GALNT18: variants seen among roughly 807,000 people sequenced by gnomAD.
GALNT18 encodes the protein polypeptide N-acetylgalactosaminyltransferase 18, also known as GalNAc-transferase 18.
Under a neutral mutation model 69.5 loss-of-function variants are expected in GALNT18, and 44 were observed. That is an observed-to-expected ratio of 0.63 (90% CI 0.50 to 0.81). The LOEUF is 0.81. GALNT18 is among the 40% of genes least tolerant of loss of function. The pLI is 0.00. For synonymous variants in GALNT18, 364 were observed against 318.2 expected, an observed-to-expected ratio of 1.14 and a Z score of -1.53; for missense variants, 715 against 810.0, an observed-to-expected ratio of 0.88 and a Z score of 1.42.
rs896200711 is a variant in GALNT18 at position 11,382,531 on chromosome 11, G to T, written c.596-3267C>A. Among the ~76,000 whole-genome samples, 3 of 152,148 alleles carry T rather than the reference G, an allele frequency of 2.0e-5. No individual in the cohort carries two copies. Among genetic ancestry groups the T allele is most frequent in the Non-Finnish European group, 4.4e-5 (3 of 68,030 alleles). On this transcript the variant is annotated intron_variant, in intron 3 of 10. Transcript: ENST00000227756. The surrounding 1 kb of genome is among the most constrained non-coding windows in gnomAD (Gnocchi z 4.3). The stretch of plus-strand genomic sequence containing the variant: ...AGAACTTCTTAGCTCCAAAGATTGT[G>T]TTTTTGGAGTTGAACTTGTGTTTTT...
chr11:11,498,950 T>C (rs1434463789), intron 1 of GALNT18, among the ~76,000 whole-genome samples: 4 of 152,270 alleles, frequency 2.6e-5, no homozygotes, highest in African/African-American at 9.6e-5. Flanking sequence ...CTTTCCTATG[T>C]CTTTCAAATT....
chr11:11,396,045 C>G lies in GALNT18; in HGVS notation c.596-16781G>C, dbSNP rs1166169630. On this transcript the variant is annotated intron_variant, in intron 3 of 10. Coordinates refer to ENST00000227756, the MANE Select transcript of GALNT18 (RefSeq NM_198516.3). This position sits in a 1 kb window ranked among gnomAD's most constrained non-coding sequence, Gnocchi z 5.2. ...GAGGTGCCATTTTCCTGGGGTACAG[C>G]TGAGCCTTACCCAGCAACAACCACT... is the stretch of plus-strand genomic sequence containing the variant. Among the ~76,000 whole-genome samples, 3 of 152,196 alleles carry G rather than the reference C, an allele frequency of 2.0e-5. No homozygotes were observed. Among genetic ancestry groups the G allele is most frequent in the East Asian group, 1.9e-4 (1 of 5,196 alleles).
At chr11:11,292,707 G>A (rs1849324030) in intron 10 of GALNT18, among the ~76,000 whole-genome samples, 1 of 152,098 alleles carries the variant, frequency 6.6e-6, no homozygotes, top group South Asian at 2.1e-4. Context: ...CTCTGGGCAG[G>A]GGACTCCCAT....
At chr11:11,290,272 A>G (rs2133000523) in intron 10 of GALNT18, among the ~76,000 whole-genome samples, 1 of 152,296 alleles carries the variant, frequency 6.6e-6, no homozygotes, top group Non-Finnish European at 1.5e-5. Context: ...GGGAGGAAGA[A>G]ATGGCTAAAT....
chr11:11,365,190 T>A (rs1850736041), intron 6 of GALNT18, among the ~76,000 whole-genome samples: 1 of 152,140 alleles, frequency 6.6e-6, no homozygotes, highest in South Asian at 2.1e-4. Flanking sequence ...TGTTCCCTTC[T>A]CTGTGTCCAT....
Position 11,555,645 on chromosome 11 carries a change from C to T in GALNT18, c.235+65714G>A, listed in dbSNP as rs1222052859. Among the ~76,000 whole-genome samples, 1 of 152,230 alleles carries T rather than the reference C, an allele frequency of 6.6e-6. No individual in the cohort carries two copies. The highest frequency in any genetic ancestry group is 1.5e-5 in the Non-Finnish European group (1 of 68,046). On this transcript the variant is annotated intron_variant, in intron 1 of 10. Coordinates refer to ENST00000227756, the MANE Select transcript of GALNT18 (RefSeq NM_198516.3). This position sits in a 1 kb window ranked among gnomAD's most constrained non-coding sequence, Gnocchi z 4.7. Reference sequence around the variant, plus strand: ...AGGAAATTGAAACACCCACTAAAGACACGTCCTGCCAGACTTTCCTCATTT... The same window carrying T: ...AGGAAATTGAAACACCCACTAAAGATACGTCCTGCCAGACTTTCCTCATTT...
intron 8 of GALNT18, among the ~76,000 whole-genome samples, chr11:11,328,822 C>G (rs899331815): frequency 6.6e-6 from 1 of 152,198 alleles, no homozygotes; most frequent in African/African-American, 2.4e-5. Context: ...TAAAGCCAAG[C>G]ACTGTAACCC....
chr11:11,494,965 G>A lies in GALNT18; in HGVS notation c.236-46029C>T, dbSNP rs189012398. 1.3e-5 allele frequency among the ~76,000 whole-genome samples: 2 copies of A among 151,992 alleles called. No homozygotes were observed. Among genetic ancestry groups the A allele is most frequent in the East Asian group, 1.9e-4 (1 of 5,164 alleles). On this transcript the variant is annotated intron_variant, in intron 1 of 10. Transcript: ENST00000227756. This position sits in a 1 kb window ranked among gnomAD's most constrained non-coding sequence, Gnocchi z 5.7. ...TGCTCTGTGATTTGAGCATATAAAT[G>A]TAGAAGCCCAGCATGAATCTTCAAG... is the stretch of plus-strand genomic sequence containing the variant.
rs1856040195 is a variant in GALNT18 at position 11,461,406 on chromosome 11, C to T, written c.236-12470G>A. The stretch of plus-strand genomic sequence containing the variant: ...CACTCCATGCCAACTATATAAAGTA[C>T]ATGTGAAAAAACTCATTTTAGAGAG... On this transcript the variant is annotated intron_variant, in intron 1 of 10. Coordinates refer to ENST00000227756, the MANE Select transcript of GALNT18 (RefSeq NM_198516.3). This position sits in a 1 kb window ranked among gnomAD's most constrained non-coding sequence, Gnocchi z 4.1. Among the ~76,000 whole-genome samples, 1 of 152,144 alleles carries T rather than the reference C, an allele frequency of 6.6e-6. No individual in the cohort carries two copies. The highest frequency in any genetic ancestry group is 2.1e-4 in the South Asian group (1 of 4,822).
At chr11:11,352,006 C>T (rs1328598548) in intron 6 of GALNT18, 14 of 1,613,148 alleles carry the variant, frequency 8.7e-6, no homozygotes, top group Non-Finnish European at 1.0e-5. Flanking sequence ...GCAGCAATCA[C>T]TGGTGAGCCT....
In GALNT18 at chr11:11,563,889, A is replaced by G. The variant is rs537893609; in HGVS notation, c.235+57470T>C. Reference sequence around the variant, plus strand: ...GAGCAAATTTTTGCAAAGCTCCCCAAAGCATTTTGAGTTCTGAAAGCAAGA... The same window carrying G: ...GAGCAAATTTTTGCAAAGCTCCCCAGAGCATTTTGAGTTCTGAAAGCAAGA... On this transcript the variant is annotated intron_variant, in intron 1 of 10. Transcript: ENST00000227756. This position sits in a 1 kb window ranked among gnomAD's most constrained non-coding sequence, Gnocchi z 4.6. 3.3e-5 allele frequency among the ~76,000 whole-genome samples: 5 copies of G among 152,370 alleles called. No homozygotes were observed. Among genetic ancestry groups the G allele is most frequent in the Admixed American group, 1.3e-4 (2 of 15,308 alleles).
In GALNT18 at chr11:11,439,695, A is replaced by C. The variant is rs984381441; in HGVS notation, c.429-6908T>G. 2.0e-5 allele frequency among the ~76,000 whole-genome samples: 3 copies of C among 152,230 alleles called. No individual in the cohort carries two copies. The highest frequency in any genetic ancestry group is 4.4e-5 in the Non-Finnish European group (3 of 68,044). On this transcript the variant is annotated intron_variant, in intron 2 of 10. Transcript: ENST00000227756. This position sits in a 1 kb window ranked among gnomAD's most constrained non-coding sequence, Gnocchi z 4.4. Reference sequence around the variant, plus strand: ...AGCACAGAGTAGAAATTCAGAATGCACCTGGTGATGGGCTGAGTGAACACA... The same window carrying C: ...AGCACAGAGTAGAAATTCAGAATGCCCCTGGTGATGGGCTGAGTGAACACA...
rs1857967468 is a variant in GALNT18, at chr11:11,543,269, T to C, written c.235+78090A>G. Among the ~76,000 whole-genome samples, 1 of 152,218 alleles carries C rather than the reference T, an allele frequency of 6.6e-6. No individual in the cohort carries two copies. Among genetic ancestry groups the C allele is most frequent in the Non-Finnish European group, 1.5e-5 (1 of 68,036 alleles). On this transcript the variant is annotated intron_variant, in intron 1 of 10. Coordinates refer to ENST00000227756, the MANE Select transcript of GALNT18 (RefSeq NM_198516.3). This position sits in a 1 kb window ranked among gnomAD's most constrained non-coding sequence, Gnocchi z 5.1. The stretch of plus-strand genomic sequence containing the variant: ...GCTGATCTGTGATCATTGCAAGTTG[T>C]TGCATCCTTGAGAGTAAGTAGAATT...
chr11:11,586,835 A>ACAC lies in GALNT18; in HGVS notation c.235+34523_235+34524insGTG, dbSNP rs201763974. On this transcript the variant is annotated intron_variant, in intron 1 of 10. Coordinates refer to ENST00000227756, the MANE Select transcript of GALNT18 (RefSeq NM_198516.3). This position sits in a 1 kb window ranked among gnomAD's most constrained non-coding sequence, Gnocchi z 4.1. ...CTAAAAACACACACACACACACACA[A>ACAC]AAAAAAGCCAGGTGTGGTGGCGGGC... Among the ~76,000 whole-genome samples the ACAC allele has an allele frequency of 2.0e-4, 13 of 65,708 alleles. No homozygotes were observed. Among genetic ancestry groups the ACAC allele is most frequent in the East Asian group, 7.8e-4 (1 of 1,288 alleles). 43.1% of individuals were successfully genotyped at this position (65,708 alleles called of 152,430 possible). A position where few individuals can be genotyped will look rare whatever the true frequency, so the allele number is the denominator to read the frequency against.
intron 9 of GALNT18, among the ~76,000 whole-genome samples, chr11:11,326,772 G>A (rs1849927089): frequency 6.6e-6 from 1 of 152,192 alleles, no homozygotes; most frequent in South Asian, 2.1e-4. Context: ...AGCCAGAACT[G>A]TGATGTACCC....
intron 1 of GALNT18, among the ~76,000 whole-genome samples, chr11:11,512,589 A>G (rs1383096327): frequency 6.6e-6 from 1 of 152,236 alleles, no homozygotes; most frequent in Admixed American, 6.5e-5. Flanking sequence ...GTGCTGTGAC[A>G]GTAAATCAGC....
intron 1 of GALNT18, chr11:11,475,643 C>T (rs748647058): frequency 1.3e-5 from 2 of 152,172 alleles, no homozygotes; most frequent in African/African-American, 2.4e-5. Context: ...TTACGGTACC[C>T]AACAATACTG....
rs1850201579 is a variant in GALNT18, at chr11:11,341,243, A to G, written c.1093-239T>C. On this transcript the variant is annotated intron_variant, in intron 6 of 10. Coordinates refer to ENST00000227756, the MANE Select transcript of GALNT18 (RefSeq NM_198516.3). The surrounding 1 kb of genome is among the most constrained non-coding windows in gnomAD (Gnocchi z 6.3). ...TGCTGTGGATTTACCAACAAAAAAA[A>G]TGAATGCACTTTTTCCCTCCACCTG... Among the ~76,000 whole-genome samples the G allele has an allele frequency of 6.6e-6, 1 of 152,206 alleles. No homozygotes were observed. The highest frequency in any genetic ancestry group is 2.4e-5 in the African/African-American group (1 of 41,452).
rs545255019 is a variant in GALNT18 at position 11,337,701 on chromosome 11, G to A, written c.1278+3118C>T. On this transcript the variant is annotated intron_variant, in intron 7 of 10. Coordinates refer to ENST00000227756, the MANE Select transcript of GALNT18 (RefSeq NM_198516.3). This position sits in a 1 kb window ranked among gnomAD's most constrained non-coding sequence, Gnocchi z 4.9. ...TAGTAGGGGTGGTCATACAGGAAGA[G>A]GTAGAGGGTAGGGAATTCCAAGCAG... Among the ~76,000 whole-genome samples, 1 of 152,194 alleles carries A rather than the reference G, an allele frequency of 6.6e-6. No individual in the cohort carries two copies. Among genetic ancestry groups the A allele is most frequent in the East Asian group, 1.9e-4 (1 of 5,148 alleles).
Sources: allele counts gnomAD v4.1 joint callset (sites outside exome capture counted in the v4.1 genomes callset), GRCh38; gene constraint gnomAD v4.1.1; non-coding constraint Gnocchi (gnomAD v3.1); transcripts MANE v1.5; gene names NCBI Gene and HGNC (gene_info 2026-07-23, HGNC 2026-07-21).